Variants in DEPDC1B observed in about 807,000 individuals in gnomAD.
DEPDC1B encodes DEP domain containing 1B.
A neutral mutation model predicts 66.5 loss-of-function variants in DEPDC1B; 51 were observed. That is an observed-to-expected ratio of 0.77 (90% CI 0.61 to 0.97). DEPDC1B has a LOEUF of 0.97. Ranked by LOEUF, DEPDC1B falls within the 50% of genes least tolerant of loss-of-function variation. DEPDC1B has a pLI of 0.00. For missense variants in DEPDC1B, 552 were observed against 637.1 expected (o/e 0.87, Z 1.44); for synonymous variants, 226 against 223.6 (o/e 1.01, Z -0.10).
chr5:60,697,039 C>A (rs1754671765), intron 1 of DEPDC1B, among the ~76,000 whole-genome samples: 1 of 150,248 alleles, frequency 6.7e-6, no homozygotes, highest in Non-Finnish European at 1.5e-5. Flanking sequence ...TTGCATCAGA[C>A]CATATATATA....
intron 7 of DEPDC1B, among the ~76,000 whole-genome samples, chr5:60,608,272 A>G (rs1421022318): frequency 6.6e-6 from 1 of 152,100 alleles, no homozygotes; most frequent in African/African-American, 2.4e-5. Flanking sequence ...ATCCCTTTGC[A>G]AAGGCAGATT....
chr5:60,642,696 A>G (rs1753216041), intron 6 of DEPDC1B, 116 bp downstream of exon 6: 2 of 694,254 alleles, frequency 2.9e-6, no homozygotes, highest in Non-Finnish European at 4.9e-6. Context: ...CAAAATAATT[A>G]ACTGCCAGTC....
chr5:60,651,057 C>G (rs114567370), intron 2 of DEPDC1B, among the ~76,000 whole-genome samples: 1 of 152,232 alleles, frequency 6.6e-6, no homozygotes, highest in African/African-American at 2.4e-5. Flanking sequence ...ACCTAAGCAA[C>G]AGGAAGAGGC....
At chr5:60,660,332 G>C (rs62373032) in intron 2 of DEPDC1B, among the ~76,000 whole-genome samples, 69,211 of 150,842 alleles carry the variant, frequency 0.46, 17,193 homozygotes, top group East Asian at 0.57. Context: ...GAGAGAGAGA[G>C]AGAGAGAAAG....
intron 2 of DEPDC1B, among the ~76,000 whole-genome samples, chr5:60,652,225 C>T (rs1753474578): frequency 6.7e-6 from 1 of 149,388 alleles, no homozygotes; most frequent in African/African-American, 2.5e-5. Context: ...AAAATGGTGG[C>T]ATTAGCATGA....
chr5:60,659,217 C>T (rs560076415), intron 2 of DEPDC1B, among the ~76,000 whole-genome samples: 1 of 152,296 alleles, frequency 6.6e-6, no homozygotes, highest in Non-Finnish European at 1.5e-5. Context: ...AGCCCACCCC[C>T]ATCTTGAGAG....
chr5:60,686,253 G>C (rs542957242), intron 2 of DEPDC1B, among the ~76,000 whole-genome samples: 1 of 152,140 alleles, frequency 6.6e-6, no homozygotes, highest in Non-Finnish European at 1.5e-5. Flanking sequence ...CTTTTAATCC[G>C]TGTAGATAAC....
At chr5:60,695,349 G>A (rs1231971381) in intron 1 of DEPDC1B, among the ~76,000 whole-genome samples, 1 of 152,110 alleles carries the variant, frequency 6.6e-6, no homozygotes, top group Non-Finnish European at 1.5e-5. Flanking sequence ...GGCAGAAGGA[G>A]GCACATAACA....
intron 7 of DEPDC1B, among the ~76,000 whole-genome samples, chr5:60,625,998 C>CT (rs1414492217): frequency 5.3e-5 from 8 of 151,516 alleles, no homozygotes; most frequent in Admixed American, 2.6e-4. Context: ...CTTGCTTGTT[C>CT]TTTTTTTTAT....
intron 7 of DEPDC1B, among the ~76,000 whole-genome samples, chr5:60,625,178 C>T (rs563169436): frequency 1.3e-5 from 2 of 152,220 alleles, no homozygotes; most frequent in South Asian, 2.1e-4. Context: ...CGAGTCTTTG[C>T]TATTGTGAAC....
intron 7 of DEPDC1B, among the ~76,000 whole-genome samples, chr5:60,621,724 C>T (rs1400717237): frequency 6.6e-6 from 1 of 152,100 alleles, no homozygotes; most frequent in East Asian, 1.9e-4. Context: ...AAAGAAATGG[C>T]TTTCAGGAAA....
At chr5:60,650,388 A>T (rs1753417535) in intron 2 of DEPDC1B, among the ~76,000 whole-genome samples, 2 of 152,156 alleles carry the variant, frequency 1.3e-5, no homozygotes, top group Admixed American at 1.3e-4. Context: ...TTAGGGCCGG[A>T]TAGTTCTTTG....
At chr5:60,686,416 G>A (rs909511150) in intron 2 of DEPDC1B, among the ~76,000 whole-genome samples, 1 of 152,132 alleles carries the variant, frequency 6.6e-6, no homozygotes, top group Non-Finnish European at 1.5e-5. Context: ...ATTTTCCCTT[G>A]GATTATCTGG....
At chr5:60,618,568 C>G (rs920886351) in intron 7 of DEPDC1B, among the ~76,000 whole-genome samples, 1 of 152,226 alleles carries the variant, frequency 6.6e-6, no homozygotes, top group African/African-American at 2.4e-5. Flanking sequence ...GATACATACA[C>G]TCTCCCAAAA....
chr5:60,619,392 A>T (rs1376679361), intron 7 of DEPDC1B, among the ~76,000 whole-genome samples: 1 of 152,236 alleles, frequency 6.6e-6, no homozygotes, highest in Non-Finnish European at 1.5e-5. Flanking sequence ...AGAAAACCCC[A>T]TCGTCTCAGC....
At chr5:60,616,713 T>A (rs895454135) in intron 7 of DEPDC1B, among the ~76,000 whole-genome samples, 1 of 152,290 alleles carries the variant, frequency 6.6e-6, no homozygotes, top group East Asian at 1.9e-4. Context: ...AAAAAACTCT[T>A]CAGGATATTA....
intron 2 of DEPDC1B, among the ~76,000 whole-genome samples, chr5:60,662,987 C>G (rs1331127862): frequency 6.6e-6 from 1 of 152,184 alleles, no homozygotes; most frequent in African/African-American, 2.4e-5. Context: ...AATACTTCTC[C>G]TAGCCACTAA....
intron 2 of DEPDC1B, among the ~76,000 whole-genome samples, chr5:60,672,526 A>T (rs1355822496): frequency 6.6e-6 from 1 of 152,226 alleles, no homozygotes; most frequent in African/African-American, 2.4e-5. Flanking sequence ...TCACAAGAAC[A>T]GAAAGGGGGA....
At chr5:60,676,438 T>TC (rs1754162189) in intron 2 of DEPDC1B, among the ~76,000 whole-genome samples, 1 of 152,140 alleles carries the variant, frequency 6.6e-6, no homozygotes, top group Non-Finnish European at 1.5e-5. Context: ...CCTAAGTAGC[T>TC]AAGACTACAG....
Sources: gnomAD v4.1 joint callset for allele counts (sites outside exome capture counted in the v4.1 genomes callset) on GRCh38, gnomAD v4.1.1 for gene constraint, MANE v1.5 for transcripts, NCBI Gene and HGNC (gene_info 2026-07-23, HGNC 2026-07-21) for gene names.